The following NHSL1 variants were observed in gnomAD, a reference collection of about 807,000 sequenced individuals.
NHSL1 encodes NHS like 1, also known as NHS-like protein 1.
In NHSL1, 48 loss-of-function variants were observed where a neutral mutation model predicts 95.0. That is an observed-to-expected ratio of 0.51 (90% CI 0.40 to 0.64). The LOEUF is 0.64. NHSL1 is among the 30% of genes least tolerant of loss of function. NHSL1 has a pLI of 0.00. For missense variants in NHSL1, 1,971 were observed against 2,077.7 expected (o/e 0.95, Z 1.00); for synonymous variants, 783 against 833.9 (o/e 0.94, Z 1.05).
upstream of NHSL1, among the ~76,000 whole-genome samples, chr6:138,573,978 G>A (rs778457311): frequency 1.6e-4 from 24 of 151,850 alleles, no homozygotes; most frequent in Non-Finnish European, 2.9e-4. Context: ...TCACTCTGTC[G>A]CCCAGGCTGG....
At chr6:138,437,986 A>G (rs549229986) in intron 5 of NHSL1, among the ~76,000 whole-genome samples, 1 of 152,350 alleles carries the variant, frequency 6.6e-6, no homozygotes, top group East Asian at 1.9e-4. Flanking sequence ...TGCTGTGAAC[A>G]TTGTTAAAAT....
At chr6:138,526,562 CCTCT>C (rs1255788892) in intron 1 of NHSL1, among the ~76,000 whole-genome samples, 1 of 152,126 alleles carries the variant, frequency 6.6e-6, no homozygotes, top group Admixed American at 6.6e-5. Flanking sequence ...ACTTCCCTGC[CCTCT>C]CTACTTTTAC....
intron 1 of NHSL1, among the ~76,000 whole-genome samples, chr6:138,623,345 G>T (rs1784691792): frequency 6.6e-6 from 1 of 152,100 alleles, no homozygotes; most frequent in African/African-American, 2.4e-5. Flanking sequence ...CAACAGAGAG[G>T]TACAGGGAGC....
intron 7 of NHSL1, among the ~76,000 whole-genome samples, chr6:138,425,068 C>CAA (rs111941160): frequency 5.4e-5 from 8 of 149,394 alleles, no homozygotes; most frequent in African/African-American, 2.0e-4. Flanking sequence ...TATCTCTATT[C>CAA]AAAAAAAAAG....
rs145452503 is a variant in NHSL1 at position 138,524,477 on chromosome 6, G to T, written c.16+21146C>A. On this transcript the variant is annotated intron_variant, in intron 1 of 4. Coordinates refer to the NHSL1 transcript ENST00000342260. ...CCTGCTTTTGAACTTTATATGGTTG[G>T]AATCACACTCTTCTGTGTTTGTGAG... is the stretch of plus-strand genomic sequence containing the variant. Among the ~76,000 whole-genome samples the T allele has an allele frequency of 3.1e-3, 476 of 152,240 alleles. 12 individuals are homozygous for T. The highest frequency in any genetic ancestry group is 0.027 in the Admixed American group (410 of 15,296).
chr6:138,491,156 T>C (rs375298618), intron 2 of NHSL1, among the ~76,000 whole-genome samples: 1 of 152,322 alleles, frequency 6.6e-6, no homozygotes, highest in East Asian at 1.9e-4. Flanking sequence ...GCTGACCTGC[T>C]AAAATGCATT....
At chr6:138,588,478 A>C (rs1288151782) in intron 1 of NHSL1, among the ~76,000 whole-genome samples, 2 of 152,176 alleles carry the variant, frequency 1.3e-5, no homozygotes, top group African/African-American at 4.8e-5. Flanking sequence ...AATAATAAAT[A>C]AAAAATAAAA....
intron 1 of NHSL1, among the ~76,000 whole-genome samples, chr6:138,564,690 C>G (rs1347557272): frequency 1.3e-5 from 2 of 149,952 alleles, no homozygotes; most frequent in African/African-American, 4.9e-5. Flanking sequence ...CATCCTAAAA[C>G]AGGTCACGGC....
At chr6:138,554,263 G>A (rs1302011302) in intron 1 of NHSL1, among the ~76,000 whole-genome samples, 1 of 152,104 alleles carries the variant, frequency 6.6e-6, no homozygotes, top group Non-Finnish European at 1.5e-5. Flanking sequence ...TTTCTTCAAC[G>A]TGCTCCCTGA....
intron 2 of NHSL1, among the ~76,000 whole-genome samples, chr6:138,479,995 G>T (rs763390293): frequency 6.6e-6 from 1 of 152,176 alleles, no homozygotes; most frequent in African/African-American, 2.4e-5. Flanking sequence ...AATTGAATGC[G>T]AAGTGGAATA....
At chr6:138,495,249 A>C (rs1431235333) in intron 2 of NHSL1, among the ~76,000 whole-genome samples, 2 of 152,188 alleles carry the variant, frequency 1.3e-5, no homozygotes, top group Non-Finnish European at 2.9e-5. Context: ...TCTCAATAAG[A>C]AAAACAAACC....
chr6:138,458,143 G>T (rs1469098344), intron 3 of NHSL1, among the ~76,000 whole-genome samples: 2 of 152,142 alleles, frequency 1.3e-5, no homozygotes, highest in African/African-American at 2.4e-5. Context: ...ATTCCCACTT[G>T]ATTTCAAATG....
At chr6:138,461,365 G>A (rs1163247959) in intron 3 of NHSL1, among the ~76,000 whole-genome samples, 2 of 152,196 alleles carry the variant, frequency 1.3e-5, no homozygotes, top group African/African-American at 2.4e-5. Context: ...AGTAGCGGGG[G>A]TACAAGGTTT....
intron 2 of NHSL1, among the ~76,000 whole-genome samples, chr6:138,487,271 G>T (rs148717027): frequency 6.6e-6 from 1 of 152,308 alleles, no homozygotes; most frequent in Non-Finnish European, 1.5e-5. Context: ...AGCTGGTAAA[G>T]AATTTTTAAC....
intron 2 of NHSL1, among the ~76,000 whole-genome samples, chr6:138,492,418 G>T (rs532406813): frequency 2.6e-5 from 4 of 152,310 alleles, no homozygotes; most frequent in African/African-American, 9.6e-5. Context: ...TGCCAAGACA[G>T]CAGGCCTGGC....
In NHSL1 at chr6:138,492,667, T is replaced by C. The variant is rs913518133; in HGVS notation, c.211+3552A>G. Among the ~76,000 whole-genome samples the C allele has an allele frequency of 3.3e-5, 5 of 152,256 alleles. No individual in the cohort carries two copies. In the South Asian group the frequency reaches 6.2e-4, roughly 19 times the overall value. ...GTATATGTTTACATTTCATTATGCATTTATTGATACTCGCTGTGTCGTTTC... is the reference window on the plus strand; with the variant it reads ...GTATATGTTTACATTTCATTATGCACTTATTGATACTCGCTGTGTCGTTTC... On this transcript the variant is annotated intron_variant, in intron 2 of 7. Coordinates refer to ENST00000343505, the MANE Select transcript of NHSL1 (RefSeq NM_001144060.2).
intron 3 of NHSL1, among the ~76,000 whole-genome samples, chr6:138,459,449 C>T (rs1468985803): frequency 6.6e-6 from 1 of 152,054 alleles, no homozygotes; most frequent in East Asian, 1.9e-4. Flanking sequence ...ACTTGTATAC[C>T]TTACTATATC....
intron 1 of NHSL1, among the ~76,000 whole-genome samples, chr6:138,535,573 C>T (rs191346458): frequency 2.8e-4 from 43 of 152,156 alleles, no homozygotes; most frequent in African/African-American, 9.4e-4. Context: ...TCTCCCCTCC[C>T]CGACACCCCC....
intron 1 of NHSL1, among the ~76,000 whole-genome samples, chr6:138,689,307 A>G (rs1785628050): frequency 6.6e-6 from 1 of 152,174 alleles, no homozygotes; most frequent in Admixed American, 6.5e-5. Context: ...AACCAATGCC[A>G]TGGGAACAGC....
Sources: allele counts gnomAD v4.1 joint callset (sites outside exome capture counted in the v4.1 genomes callset), GRCh38; gene constraint gnomAD v4.1.1; transcripts MANE v1.5; gene names NCBI Gene and HGNC (gene_info 2026-07-23, HGNC 2026-07-21).